BNC2: variants seen among roughly 807,000 people sequenced by gnomAD.
BNC2 encodes the protein basonuclin zinc finger protein 2, also known as zinc finger protein basonuclin-2.
A neutral mutation model predicts 76.3 loss-of-function variants in BNC2; 20 were observed. The ratio of observed to expected loss-of-function variants is 0.26; its 90% CI spans 0.18 to 0.38. The LOEUF is 0.38. Ranked by LOEUF, BNC2 falls within the 10% of genes least tolerant of loss-of-function variation. The pLI is 1.00. For missense variants in BNC2, 1,382 were observed against 1,399.8 expected (o/e 0.99, Z 0.20); for synonymous variants, 582 against 514.8 (o/e 1.13, Z -1.77).
At chr9:16,825,860 A>G (rs1292664455) in intron 1 of BNC2, among the ~76,000 whole-genome samples, 1 of 151,604 alleles carries the variant, frequency 6.6e-6, no homozygotes, top group Admixed American at 6.6e-5. Flanking sequence ...TCACCTGAGC[A>G]TAACTGTATT....
At position 16,656,582 on chromosome 9, in the gene BNC2, C is replaced by T. The variant is rs570416440; in HGVS notation, c.330+71215G>A. On this transcript the variant is annotated intron_variant, in intron 3 of 6. Transcript: ENST00000380672. ...TTTGGTGAGTTTGGATATATGTATGCATTCATGCTACCATCACCACAACCA... is the reference window on the plus strand; with the variant it reads ...TTTGGTGAGTTTGGATATATGTATGTATTCATGCTACCATCACCACAACCA... Among the ~76,000 whole-genome samples, 6 of 152,284 alleles carry T rather than the reference C, an allele frequency of 3.9e-5. No individual in the cohort carries two copies. The South Asian group carries it at 8.3e-4, about 21-fold the overall frequency.
intron 4 of BNC2, chr9:16,575,404 C>T: frequency 1.0e-6 from 1 of 985,298 alleles, no homozygotes; most frequent in Non-Finnish European, 1.2e-6. Context: ...CTGAATAAAA[C>T]ATAGCTAGGA....
chr9:16,648,331 G>A (rs936895764), intron 3 of BNC2, among the ~76,000 whole-genome samples: 5 of 152,316 alleles, frequency 3.3e-5, no homozygotes, highest in African/African-American at 1.2e-4. Context: ...TTCTATTTAA[G>A]ACAGTAGAAC....
intron 5 of BNC2, among the ~76,000 whole-genome samples, chr9:16,500,206 A>C (rs1388094293): frequency 6.6e-6 from 1 of 151,990 alleles, no homozygotes; most frequent in Non-Finnish European, 1.5e-5. Context: ...CACCATTCAG[A>C]ATCCTACCCA....
intron 5 of BNC2, among the ~76,000 whole-genome samples, chr9:16,485,796 G>C (rs974146830): frequency 6.6e-6 from 1 of 152,118 alleles, no homozygotes; most frequent in East Asian, 1.9e-4. Flanking sequence ...GCAACAGAGT[G>C]AGACCCTGTC....
intron 4 of BNC2, among the ~76,000 whole-genome samples, chr9:16,580,578 G>T (rs1282496440): frequency 6.6e-6 from 1 of 151,950 alleles, no homozygotes; most frequent in Non-Finnish European, 1.5e-5. Flanking sequence ...TGTTCAAGAA[G>T]GAAAAAACAT....
intron 3 of BNC2, among the ~76,000 whole-genome samples, chr9:16,665,383 A>AG: frequency 8.5e-5 from 4 of 47,176 alleles, no homozygotes; most frequent in African/African-American, 1.6e-4. Context: ...AAAAAAAAAA[A>AG]AAAAGAGAGA....
At chr9:16,556,745 C>T (rs866212426) in intron 4 of BNC2, among the ~76,000 whole-genome samples, 9 of 145,324 alleles carry the variant, frequency 6.2e-5, no homozygotes, top group African/African-American at 1.3e-4. Flanking sequence ...TCCAGCCTGG[C>T]GACAGAGCGA....
chr9:16,436,328 C>G lies in BNC2; in HGVS notation c.1866G>C (p.Glu622Asp). 6.2e-7 allele frequency: 1 copy of G among 1,614,106 alleles called. No individual in the cohort carries two copies. The highest frequency in any genetic ancestry group is 8.5e-7 in the Non-Finnish European group (1 of 1,180,034). The change falls in exon 6 of 7, where the codon GAG becomes GAC. Residue 622 changes from glutamate (E) to aspartate (D), a missense_variant. Glu to Asp is a conservative substitution (Grantham distance 45). This residue lies in a region of BNC2 where 798 missense variants were observed against 775.5 expected (regional missense o/e 1.03). Transcript: ENST00000380672. ...VVPAVMMATH[E>D]PSADLAPKKK... ...TCTTGGGTGCCAGGTCAGCACTGGGCTCATGGGTGGCCATCATCACTGCTG... is the reference window on the plus strand; with the variant it reads ...TCTTGGGTGCCAGGTCAGCACTGGGGTCATGGGTGGCCATCATCACTGCTG...
chr9:16,665,948 C>T (rs747095668), intron 3 of BNC2, among the ~76,000 whole-genome samples: 18 of 152,150 alleles, frequency 1.2e-4, no homozygotes, highest in Middle Eastern at 3.4e-3. Flanking sequence ...TAAGGACTTC[C>T]AGGATTAAAA....
chr9:16,573,968 C>T (rs1409869765), intron 4 of BNC2, among the ~76,000 whole-genome samples: 1 of 152,152 alleles, frequency 6.6e-6, no homozygotes, highest in Non-Finnish European at 1.5e-5. Flanking sequence ...CCAGCAATTT[C>T]ACACTTCAGT....
chr9:16,680,414 A>G (rs73417977), intron 3 of BNC2, among the ~76,000 whole-genome samples: 21,195 of 152,086 alleles, frequency 0.14, 3,457 homozygotes, highest in African/African-American at 0.4. Context: ...ATATAAAAAT[A>G]TAAATTCACA....
chr9:16,700,150 G>C (rs1390897406), intron 3 of BNC2, among the ~76,000 whole-genome samples: 3 of 152,076 alleles, frequency 2.0e-5, no homozygotes, highest in African/African-American at 7.2e-5. Flanking sequence ...TGTAGACACA[G>C]ACTTCAGTTA....
chr9:16,439,617 C>A (rs1386835521), intron 5 of BNC2, among the ~76,000 whole-genome samples: 1 of 152,198 alleles, frequency 6.6e-6, no homozygotes, highest in Non-Finnish European at 1.5e-5. Flanking sequence ...GGAAAAGTCT[C>A]TCCTCAACCT....
At chr9:16,867,095 C>G (rs1355376366) in intron 1 of BNC2, among the ~76,000 whole-genome samples, 2 of 151,932 alleles carry the variant, frequency 1.3e-5, no homozygotes, top group Admixed American at 6.6e-5. Flanking sequence ...ATAAATTTAC[C>G]CATCCTGTCT....
intron 5 of BNC2, among the ~76,000 whole-genome samples, chr9:16,548,649 C>T (rs1438119277): frequency 6.6e-6 from 1 of 152,170 alleles, no homozygotes; most frequent in Non-Finnish European, 1.5e-5. Flanking sequence ...AAGTGATCTG[C>T]CCGCCTTGGC....
chr9:16,790,215 T>C (rs1271838058), intron 1 of BNC2, among the ~76,000 whole-genome samples: 1 of 152,172 alleles, frequency 6.6e-6, no homozygotes, highest in Non-Finnish European at 1.5e-5. Context: ...GCCAGGATGG[T>C]CTGGATCTAC....
At chr9:16,776,113 T>C (rs959370165) in intron 1 of BNC2, among the ~76,000 whole-genome samples, 1 of 152,198 alleles carries the variant, frequency 6.6e-6, no homozygotes, top group African/African-American at 2.4e-5. Flanking sequence ...TTTATAACTA[T>C]GGCTTTAGAA....
chr9:16,494,670 G>A (rs2131675141), intron 5 of BNC2, among the ~76,000 whole-genome samples: 1 of 152,216 alleles, frequency 6.6e-6, no homozygotes, highest in Non-Finnish European at 1.5e-5. Context: ...AGGGAGAGAG[G>A]AGATGCAGTC....
Sources: allele counts gnomAD v4.1 joint callset (sites outside exome capture counted in the v4.1 genomes callset), GRCh38; gene constraint gnomAD v4.1.1; regional missense constraint gnomAD v4.1.1; transcripts MANE v1.5; gene names NCBI Gene and HGNC (gene_info 2026-07-23, HGNC 2026-07-21).